Variants in ASIC2 observed in about 807,000 individuals in gnomAD.
ASIC2 encodes acid sensing ion channel subunit 2, also known as acid-sensing ion channel 2.
In ASIC2, 25 loss-of-function variants were observed where a neutral mutation model predicts 57.3. The observed-to-expected ratio is 0.44, with a 90% CI of 0.32 to 0.61. ASIC2 has a LOEUF of 0.61. Ranked by LOEUF, ASIC2 falls within the 20% of genes least tolerant of loss-of-function variation. ASIC2 has a pLI of 0.06. For missense variants in ASIC2, 641 were observed against 738.1 expected (o/e 0.87, Z 1.52); for synonymous variants, 319 against 307.5 (o/e 1.04, Z -0.39).
chr17:33,343,411 G>A (rs930927183), intron 1 of ASIC2, among the ~76,000 whole-genome samples: 8 of 152,148 alleles, frequency 5.3e-5, no homozygotes, highest in South Asian at 2.1e-4. Context: ...ACACTTCCTC[G>A]CCTCTGGACA....
chr17:34,004,710 T>C (rs930820401), intron 1 of ASIC2: 6 of 152,112 alleles, frequency 3.9e-5, no homozygotes, highest in Admixed American at 2.6e-4. Context: ...CATTGCAGAG[T>C]AAATATGAGC....
intron 1 of ASIC2, among the ~76,000 whole-genome samples, chr17:33,157,324 C>G (rs772774086): frequency 3.3e-5 from 5 of 152,186 alleles, no homozygotes; most frequent in Admixed American, 6.5e-5. Context: ...TCTCTTTGAT[C>G]TCATCACAAC....
intron 1 of ASIC2, among the ~76,000 whole-genome samples, chr17:33,669,246 A>C (rs916055906): frequency 6.6e-6 from 1 of 152,216 alleles, no homozygotes. Context: ...CAGGCACCAC[A>C]CATCGTTTCA....
intron 1 of ASIC2, among the ~76,000 whole-genome samples, chr17:34,050,796 T>C (rs1280161284): frequency 6.6e-6 from 1 of 152,158 alleles, no homozygotes; most frequent in Non-Finnish European, 1.5e-5. Flanking sequence ...ATTCAAAATG[T>C]TGTGAGCACT....
At chr17:33,491,134 A>G (rs1449901976) in intron 1 of ASIC2, among the ~76,000 whole-genome samples, 1 of 151,888 alleles carries the variant, frequency 6.6e-6, no homozygotes, top group Admixed American at 6.6e-5. Context: ...CAGTGGTTCT[A>G]TTTTCTGTCA....
chr17:33,635,235 T>G (rs1274829857), intron 1 of ASIC2, among the ~76,000 whole-genome samples: 1 of 152,210 alleles, frequency 6.6e-6, no homozygotes, highest in African/African-American at 2.4e-5. Context: ...GGGTCAATAA[T>G]GATAATAATA....
Position 33,875,350 on chromosome 17 carries a change from C to T in ASIC2, c.555+280628G>A, listed in dbSNP as rs1470443601. Among the ~76,000 whole-genome samples, 9 of 152,218 alleles carry T rather than the reference C, an allele frequency of 5.9e-5. 1 individual carries two copies. Among genetic ancestry groups the T allele is most frequent in the Non-Finnish European group, 8.8e-5 (6 of 68,040 alleles). On this transcript the variant is annotated intron_variant, in intron 1 of 9. Transcript: ENST00000359872. ...CTGCTGGCCAATTTCACCCAGATCGCCATCCCAGCATCCTCTTGCTGCAAA... is the reference window on the plus strand; with the variant it reads ...CTGCTGGCCAATTTCACCCAGATCGTCATCCCAGCATCCTCTTGCTGCAAA...
At chr17:34,122,727 C>T (rs1911662647) in intron 1 of ASIC2, among the ~76,000 whole-genome samples, 1 of 152,200 alleles carries the variant, frequency 6.6e-6, no homozygotes, top group African/African-American at 2.4e-5. Context: ...AGGCACCCTC[C>T]CCCACTCACA....
At chr17:33,181,260 A>T (rs1905973544) in intron 1 of ASIC2, among the ~76,000 whole-genome samples, 2 of 152,192 alleles carry the variant, frequency 1.3e-5, no homozygotes, top group Non-Finnish European at 2.9e-5. Flanking sequence ...TAAAATAAGG[A>T]TAAAACTAAT....
chr17:33,544,665 A>T (rs1915524110), intron 1 of ASIC2, among the ~76,000 whole-genome samples: 3 of 152,218 alleles, frequency 2.0e-5, no homozygotes, highest in Admixed American at 2.0e-4. Context: ...TACTGCTAAG[A>T]AAGAAAAGCA....
chr17:33,954,858 A>C (rs1567767697), intron 1 of ASIC2, among the ~76,000 whole-genome samples: 1 of 152,220 alleles, frequency 6.6e-6, no homozygotes, highest in Non-Finnish European at 1.5e-5. Context: ...TTATAAGAAG[A>C]ACCTTGAAGT....
intron 1 of ASIC2, among the ~76,000 whole-genome samples, chr17:33,580,905 C>T (rs936685197): frequency 3.3e-5 from 5 of 152,158 alleles, no homozygotes; most frequent in East Asian, 3.8e-4. Context: ...TAATGGGCCA[C>T]GGTCATGTAG....
At chr17:33,699,683 G>A (rs1908638056) in intron 1 of ASIC2, among the ~76,000 whole-genome samples, 1 of 152,198 alleles carries the variant, frequency 6.6e-6, no homozygotes, top group East Asian at 1.9e-4. Context: ...CTACACCACA[G>A]ATACAGTACC....
At chr17:34,038,567 A>G in intron 1 of ASIC2, 2 of 1,609,322 alleles carry the variant, frequency 1.2e-6, no homozygotes, top group South Asian at 2.2e-5. Context: ...TCTGTCATTT[A>G]GCGTTGGATG....
chr17:33,459,570 A>T (rs1912566487), intron 1 of ASIC2, among the ~76,000 whole-genome samples: 1 of 152,238 alleles, frequency 6.6e-6, no homozygotes, highest in Non-Finnish European at 1.5e-5. Context: ...GCATCGAGGC[A>T]AAGAGAGATA....
chr17:33,708,609 G>A (rs555003164), intron 1 of ASIC2, among the ~76,000 whole-genome samples: 35 of 152,208 alleles, frequency 2.3e-4, no homozygotes, highest in African/African-American at 7.7e-4. Context: ...GTGCAGGTAT[G>A]TGGCTACTAC....
chr17:33,501,187 G>C (rs779021416), intron 1 of ASIC2, among the ~76,000 whole-genome samples: 7 of 152,208 alleles, frequency 4.6e-5, no homozygotes, highest in Non-Finnish European at 8.8e-5. Context: ...GCTGTTAATG[G>C]ACACGTGATG....
chr17:34,054,953 A>C (rs1414237495), intron 1 of ASIC2, among the ~76,000 whole-genome samples: 2 of 152,234 alleles, frequency 1.3e-5, no homozygotes, highest in African/African-American at 4.8e-5. Context: ...AGAAGAAAAC[A>C]ATCATGTGAA....
At chr17:33,698,502 T>C (rs1265455204) in intron 1 of ASIC2, among the ~76,000 whole-genome samples, 1 of 152,156 alleles carries the variant, frequency 6.6e-6, no homozygotes, top group African/African-American at 2.4e-5. Context: ...ATCAGTTTCA[T>C]CCCAGGCCAC....
Sources: allele counts gnomAD v4.1 joint callset (sites outside exome capture counted in the v4.1 genomes callset), GRCh38; gene constraint gnomAD v4.1.1; transcripts MANE v1.5; gene names NCBI Gene and HGNC (gene_info 2026-07-23, HGNC 2026-07-21).